Variants in RPH3A observed in about 807,000 individuals in gnomAD.
The protein encoded by RPH3A is rabphilin-3A.
In RPH3A, 48 loss-of-function variants were observed where a neutral mutation model predicts 102.2. The ratio of observed to expected loss-of-function variants is 0.47; its 90% CI spans 0.37 to 0.60. The LOEUF is 0.60. Among genes scored for constraint, RPH3A ranks in the 20% least tolerant of loss-of-function variants. The pLI, the probability that RPH3A is intolerant of heterozygous loss-of-function variation, is 0.00. For synonymous variants in RPH3A, 310 were observed against 324.3 expected (o/e 0.96, Z 0.47); for missense variants, 781 against 910.1 (o/e 0.86, Z 1.83).
At chr12:112,857,725 G>A (rs1488292787) in intron 5 of RPH3A, among the ~76,000 whole-genome samples, 1 of 152,196 alleles carries the variant, frequency 6.6e-6, no homozygotes, top group Non-Finnish European at 1.5e-5. Context: ...GCCACAGAAA[G>A]CTAATAGAGA....
At chr12:112,833,935 C>T (rs185481037) in intron 3 of RPH3A, among the ~76,000 whole-genome samples, 23 of 152,140 alleles carry the variant, frequency 1.5e-4, no homozygotes, top group African/African-American at 3.9e-4. Flanking sequence ...GCTATGTTGC[C>T]CAGGCTGGTT....
At chr12:112,592,675 A>T (rs1396802291) in intron 1 of RPH3A, among the ~76,000 whole-genome samples, 1 of 152,210 alleles carries the variant, frequency 6.6e-6, no homozygotes, top group African/African-American at 2.4e-5. Context: ...GAATCCGTGG[A>T]TGCAGAACCT....
intron 4 of RPH3A, among the ~76,000 whole-genome samples, chr12:112,846,315 G>A (rs2042227497): frequency 6.6e-6 from 1 of 152,210 alleles, no homozygotes; most frequent in South Asian, 2.1e-4. Context: ...TTTGAGCAGT[G>A]TTATCATGTG....
intron 1 of RPH3A, among the ~76,000 whole-genome samples, chr12:112,578,061 C>A (rs939063981): frequency 1.3e-5 from 2 of 152,180 alleles, no homozygotes; most frequent in Non-Finnish European, 2.9e-5. Context: ...CTCAAGCTTG[C>A]AGGATAAAGA....
At chr12:112,889,311 T>C (rs1423563315) in intron 17 of RPH3A, among the ~76,000 whole-genome samples, 3 of 152,236 alleles carry the variant, frequency 2.0e-5, no homozygotes, top group African/African-American at 7.2e-5. Flanking sequence ...GCCAGGCCCT[T>C]GCCTGTGTCA....
chr12:112,589,242 C>A (rs2039459667), intron 1 of RPH3A, among the ~76,000 whole-genome samples: 1 of 152,142 alleles, frequency 6.6e-6, no homozygotes. Context: ...CCACCTTATT[C>A]CTGCCTCTTA....
chr12:112,751,044 C>T (rs569914944), intron 1 of RPH3A, among the ~76,000 whole-genome samples: 1 of 152,216 alleles, frequency 6.6e-6, no homozygotes, highest in Non-Finnish European at 1.5e-5. Flanking sequence ...GTTGGTCTCA[C>T]CAGTGAGCTG....
At chr12:112,627,133 G>A (rs908086143) in intron 1 of RPH3A, among the ~76,000 whole-genome samples, 13 of 143,074 alleles carry the variant, frequency 9.1e-5, no homozygotes, top group East Asian at 8.2e-4. Flanking sequence ...TGGGTGCAGC[G>A]CACCAGCATG....
chr12:112,862,012 C>CAAA (rs56918360), intron 5 of RPH3A, among the ~76,000 whole-genome samples: 5 of 78,468 alleles, frequency 6.4e-5, no homozygotes, highest in African/African-American at 2.0e-4. Flanking sequence ...GACTCCGTCT[C>CAAA]AAAAAAAAAA....
chr12:112,587,346 T>C (rs1296241355), intron 1 of RPH3A, among the ~76,000 whole-genome samples: 2 of 152,252 alleles, frequency 1.3e-5, no homozygotes, highest in African/African-American at 4.8e-5. Flanking sequence ...AATACGGTTC[T>C]TCTGAGAGTG....
Position 112,610,989 on chromosome 12 carries a change from T to C in RPH3A, c.-140+35670T>C, listed in dbSNP as rs1416449047. On this transcript the variant is annotated intron_variant, in intron 1 of 21. Coordinates refer to the RPH3A transcript ENST00000543106. ...CTTAGTTACAGTTATTTCTCCCCAT[T>C]TGAATGTAAATTCTTTGAGGACAAA... 4.6e-5 allele frequency among the ~76,000 whole-genome samples: 7 copies of C among 152,334 alleles called. No individual in the cohort carries two copies. The East Asian group carries it at 1.2e-3, about 25-fold the overall frequency.
chr12:112,696,035 G>A lies in RPH3A; in HGVS notation c.-139-96108G>A, dbSNP rs188658259. 3.3e-3 allele frequency among the ~76,000 whole-genome samples: 506 copies of A among 152,182 alleles called. 3 individuals are homozygous for A. Among genetic ancestry groups the A allele is most frequent in the Admixed American group, 3.3e-3 (51 of 15,280 alleles). On this transcript the variant is annotated intron_variant, in intron 1 of 21. Transcript: ENST00000543106. ...TCCCCAAAATTCATGATATTCTTAT[G>A]ACTTTGCATCCTCATAGCTTAGCTC...
chr12:112,753,089 C>T (rs1389746446), intron 1 of RPH3A, among the ~76,000 whole-genome samples: 1 of 150,798 alleles, frequency 6.6e-6, no homozygotes, highest in Non-Finnish European at 1.5e-5. Flanking sequence ...TAAGCACGAT[C>T]GATTCAGACT....
chr12:112,872,825 G>T (rs1313062562), intron 10 of RPH3A, among the ~76,000 whole-genome samples: 3 of 152,172 alleles, frequency 2.0e-5, no homozygotes, highest in Non-Finnish European at 4.4e-5. Context: ...TGTCCCTCAG[G>T]AGTCAATGTA....
chr12:112,726,104 G>C (rs1263306185), intron 1 of RPH3A, among the ~76,000 whole-genome samples: 2 of 142,076 alleles, frequency 1.4e-5, no homozygotes, highest in Admixed American at 7.2e-5. Context: ...CTTTTTTTTC[G>C]GGGGGGTGGG....
Position 112,711,122 on chromosome 12 carries a change from CT to C in RPH3A, c.-139-81019del, listed in dbSNP as rs575660827. ...GATCCTCCTATCACAACATTTCTTTCTTGATGAGGTCTGTACACACCCTGCA... is the reference window on the plus strand; with the variant it reads ...GATCCTCCTATCACAACATTTCTTTCTGATGAGGTCTGTACACACCCTGCA... On this transcript the variant is annotated intron_variant, in intron 1 of 21. Transcript: ENST00000543106. Among the ~76,000 whole-genome samples, 3 of 152,278 alleles carry C rather than the reference CT, an allele frequency of 2.0e-5. No individual in the cohort carries two copies. The South Asian group carries it at 6.2e-4, about 32-fold the overall frequency.
intron 1 of RPH3A, among the ~76,000 whole-genome samples, chr12:112,735,689 G>A (rs3803064): frequency 0.39 from 58,652 of 152,040 alleles, 11,687 homozygotes; most frequent in East Asian, 0.67. Flanking sequence ...TTCACTAGAC[G>A]CTGGGACAGA....
At chr12:112,662,610 A>G (rs2040056169) in intron 1 of RPH3A, among the ~76,000 whole-genome samples, 1 of 152,178 alleles carries the variant, frequency 6.6e-6, no homozygotes. Flanking sequence ...TTTGCAAACT[A>G]TATGGTTTCT....
Position 112,671,446 on chromosome 12 carries a change from G to A in RPH3A, c.-140+96127G>A, listed in dbSNP as rs542270589. Among the ~76,000 whole-genome samples the A allele has an allele frequency of 2.0e-5, 3 of 152,270 alleles. No homozygotes were observed. In the South Asian group the frequency reaches 6.2e-4, roughly 32 times the overall value. ...CAGTAAGAAAGAAGGAAGGGGAAAT[G>A]GAGGCATACCTCTTCCCTTTAAAAT... On this transcript the variant is annotated intron_variant, in intron 1 of 21. Coordinates refer to the RPH3A transcript ENST00000543106.
Sources: gnomAD v4.1 joint callset for allele counts (sites outside exome capture counted in the v4.1 genomes callset) on GRCh38, gnomAD v4.1.1 for gene constraint, MANE v1.5 for transcripts, NCBI Gene and HGNC (gene_info 2026-07-23, HGNC 2026-07-21) for gene names.